Variants in ADGRB3 observed in about 807,000 individuals in gnomAD.
ADGRB3 encodes the protein brain-specific angiogenesis inhibitor 3.
Under a neutral mutation model 193.4 loss-of-function variants are expected in ADGRB3, and 37 were observed. The observed-to-expected ratio is 0.19, with a 90% CI of 0.15 to 0.25. ADGRB3 has a LOEUF of 0.25. Among genes scored for constraint, ADGRB3 ranks in the 10% least tolerant of loss-of-function variants. The pLI is 1.00. For missense variants in ADGRB3, 1,637 were observed against 1,852.9 expected (o/e 0.88, Z 2.14); for synonymous variants, 690 against 644.2 (o/e 1.07, Z -1.08).
chr6:68,795,258 G>A (rs1767183955), intron 3 of ADGRB3, among the ~76,000 whole-genome samples: 1 of 151,358 alleles, frequency 6.6e-6, no homozygotes, highest in African/African-American at 2.4e-5. Context: ...TTAGTGTCTG[G>A]CATTTCTAAA....
In ADGRB3 at chr6:68,699,892, G is replaced by A. The variant is rs112538857; in HGVS notation, c.757+60460G>A. On this transcript the variant is annotated intron_variant, in intron 3 of 31. Coordinates refer to ENST00000370598, the MANE Select transcript of ADGRB3 (RefSeq NM_001704.3). ...TAAGGGATTCAAGCAAAGGGCAGTCGTCCACACTGATATTTCTCAGGTACC... is the reference window on the plus strand; with the variant it reads ...TAAGGGATTCAAGCAAAGGGCAGTCATCCACACTGATATTTCTCAGGTACC... Among the ~76,000 whole-genome samples the A allele has an allele frequency of 2.2e-3, 333 of 152,092 alleles. 1 individual carries two copies. Among genetic ancestry groups the A allele is most frequent in the Non-Finnish European group, 3.7e-3 (251 of 67,998 alleles).
At chr6:68,729,844 G>T (rs750894428) in intron 3 of ADGRB3, among the ~76,000 whole-genome samples, 1 of 151,166 alleles carries the variant, frequency 6.6e-6, no homozygotes, top group Non-Finnish European at 1.5e-5. Context: ...TTACACTGTA[G>T]ATCCTACTTC....
At chr6:68,677,518 T>C (rs903664763) in intron 3 of ADGRB3, among the ~76,000 whole-genome samples, 10 of 137,018 alleles carry the variant, frequency 7.3e-5, no homozygotes, top group Non-Finnish European at 1.3e-4. Flanking sequence ...TTTTTCTTTT[T>C]TTCTTTTTTT....
At chr6:68,767,819 G>C (rs959057476) in intron 3 of ADGRB3, among the ~76,000 whole-genome samples, 1 of 152,146 alleles carries the variant, frequency 6.6e-6, no homozygotes, top group African/African-American at 2.4e-5. Context: ...GTCTCCTTAA[G>C]CTGATAAGCA....
intron 3 of ADGRB3, among the ~76,000 whole-genome samples, chr6:68,879,299 C>G (rs974198707): frequency 8.2e-5 from 12 of 146,476 alleles, no homozygotes; most frequent in African/African-American, 2.8e-4. Context: ...TCACTGCAAG[C>G]TCCGCCTCCC....
At chr6:69,257,579 T>C (rs1225219062) in intron 20 of ADGRB3, among the ~76,000 whole-genome samples, 1 of 152,210 alleles carries the variant, frequency 6.6e-6, no homozygotes, top group East Asian at 1.9e-4. Flanking sequence ...AACAAAATCC[T>C]GTTTACCTAT....
At chr6:69,113,752 C>T (rs1184773059) in intron 17 of ADGRB3, among the ~76,000 whole-genome samples, 3 of 152,186 alleles carry the variant, frequency 2.0e-5, no homozygotes, top group South Asian at 2.1e-4. Flanking sequence ...AAGGCCTTTT[C>T]GTGAGTGGCA....
intron 29 of ADGRB3, among the ~76,000 whole-genome samples, chr6:69,370,814 A>C (rs1019122929): frequency 3.9e-5 from 6 of 152,134 alleles, no homozygotes; most frequent in Non-Finnish European, 8.8e-5. Flanking sequence ...ACTGACAAAA[A>C]TGTCCTGCTT....
chr6:69,229,967 G>T (rs1393859112), intron 17 of ADGRB3, among the ~76,000 whole-genome samples: 1 of 152,148 alleles, frequency 6.6e-6, no homozygotes, highest in Non-Finnish European at 1.5e-5. Context: ...GGGACAGGAA[G>T]GCTCCTTCTG....
intron 3 of ADGRB3, among the ~76,000 whole-genome samples, chr6:68,663,492 G>A (rs922933699): frequency 5.9e-5 from 9 of 151,572 alleles, no homozygotes; most frequent in African/African-American, 9.7e-5. Flanking sequence ...AACCAATTTT[G>A]TACCTTTTTA....
intron 3 of ADGRB3, among the ~76,000 whole-genome samples, chr6:68,914,384 A>G (rs937238281): frequency 1.3e-5 from 2 of 152,212 alleles, no homozygotes; most frequent in Admixed American, 1.3e-4. Context: ...GTGGAGGCCA[A>G]TATTCAACAT....
chr6:68,915,091 A>C (rs1469807386), intron 3 of ADGRB3, among the ~76,000 whole-genome samples: 1 of 152,218 alleles, frequency 6.6e-6, no homozygotes, highest in Non-Finnish European at 1.5e-5. Flanking sequence ...AAAATTAGTT[A>C]TAATTTGAAA....
intron 20 of ADGRB3, among the ~76,000 whole-genome samples, chr6:69,257,990 A>T (rs1766819498): frequency 6.6e-6 from 1 of 152,154 alleles, no homozygotes. Flanking sequence ...CAGCTTTCCC[A>T]GTCTCATGTC....
At chr6:69,067,343 G>T (rs1337812507) in intron 16 of ADGRB3, among the ~76,000 whole-genome samples, 1 of 152,104 alleles carries the variant, frequency 6.6e-6, no homozygotes, top group African/African-American at 2.4e-5. Context: ...AACAAATTAA[G>T]AAATTTGTTT....
intron 31 of ADGRB3, among the ~76,000 whole-genome samples, chr6:69,383,630 A>T (rs1456346058): frequency 1.3e-5 from 2 of 152,040 alleles, no homozygotes; most frequent in African/African-American, 4.8e-5. Flanking sequence ...GAACTATCTG[A>T]TCTTAAGCAA....
intron 3 of ADGRB3, among the ~76,000 whole-genome samples, chr6:68,895,124 T>C (rs916152129): frequency 6.6e-6 from 1 of 151,970 alleles, no homozygotes; most frequent in African/African-American, 2.4e-5. Context: ...TATTCATTAG[T>C]ATAATAATCC....
At chr6:69,043,336 A>AAGAAAGAAAGAAAGAAAG in intron 13 of ADGRB3, among the ~76,000 whole-genome samples, 1 of 54,270 alleles carries the variant, frequency 1.8e-5, no homozygotes, top group East Asian at 5.8e-4. Context: ...AAGAAAGAGA[A>AAGAAAGAAAGAAAGAAAG]AGAAAAGAAG....
intron 17 of ADGRB3, among the ~76,000 whole-genome samples, chr6:69,100,371 A>G (rs1295361150): frequency 6.6e-6 from 1 of 151,890 alleles, no homozygotes; most frequent in Non-Finnish European, 1.5e-5. Context: ...ATCAAAAAAC[A>G]TATGTTCCAA....
At chr6:68,739,827 A>C (rs1765942760) in intron 3 of ADGRB3, among the ~76,000 whole-genome samples, 1 of 152,218 alleles carries the variant, frequency 6.6e-6, no homozygotes, top group Admixed American at 6.5e-5. Context: ...TTAGCTGTAG[A>C]GTTTAAGCCA....
Sources: gnomAD v4.1 joint callset for allele counts (sites outside exome capture counted in the v4.1 genomes callset) on GRCh38, gnomAD v4.1.1 for gene constraint, MANE v1.5 for transcripts, NCBI Gene and HGNC (gene_info 2026-07-23, HGNC 2026-07-21) for gene names.